The following NSRP1 variants were observed in gnomAD, a reference collection of about 807,000 sequenced individuals.
The protein encoded by NSRP1 is nuclear speckle splicing regulatory protein 1, also known as coiled-coil domain containing 55.
A neutral mutation model predicts 54.7 loss-of-function variants in NSRP1; 24 were observed. That is an observed-to-expected ratio of 0.44 (90% CI 0.32 to 0.62). NSRP1 has a LOEUF of 0.62. Ranked by LOEUF, NSRP1 falls within the 20% of genes least tolerant of loss-of-function variation. The probability of loss-of-function intolerance (pLI) is 0.06; values close to 1 mark genes in which losing one functional copy is unlikely to be tolerated. For missense variants in NSRP1, 596 were observed against 651.2 expected, an observed-to-expected ratio of 0.92 and a Z score of 0.92; for synonymous variants, 210 against 213.8, an observed-to-expected ratio of 0.98 and a Z score of 0.15.
intron 2 of NSRP1, among the ~76,000 whole-genome samples, chr17:30,119,657 C>CA (rs1380378402): frequency 6.6e-6 from 1 of 152,158 alleles, no homozygotes; most frequent in Non-Finnish European, 1.5e-5. Flanking sequence ...AACACACCAC[C>CA]ACGCCTGGCT....
At chr17:30,167,336 C>T (rs893691384) in intron 2 of NSRP1, among the ~76,000 whole-genome samples, 1 of 152,134 alleles carries the variant, frequency 6.6e-6, no homozygotes, top group Non-Finnish European at 1.5e-5. Context: ...TCTGGCCGGG[C>T]ACGGTGGCTC....
chr17:30,161,397 G>A (rs1332436467), intron 2 of NSRP1, among the ~76,000 whole-genome samples: 2 of 152,016 alleles, frequency 1.3e-5, no homozygotes, highest in Admixed American at 6.6e-5. Context: ...CACTGTATTA[G>A]CACTATTATA....
At chr17:30,144,260 A>ATTT (rs1221600247) in intron 2 of NSRP1, 19 of 143,092 alleles carry the variant, frequency 1.3e-4, no homozygotes, top group East Asian at 4.2e-4. Context: ...TATTATTATT[A>ATTT]TTATTATTAT....
At position 30,184,809 on chromosome 17, in the gene NSRP1, A is replaced by G; in HGVS notation, c.812A>G (p.Lys271Arg). ...EETRVNCRREKVIETPENDFK... is the reference protein window; with the variant it reads ...EETRVNCRRERVIETPENDFK... ...ACTAGAGTGAACTGCAGAAGGGAAA[A>G]GGTCATAGAGACCCCTGAGAATGAC... Residue 271 changes from lysine to arginine, a missense_variant, in exon 7 of 7, where the codon AAG becomes AGG. Transcript: ENST00000247026. 6.2e-7 allele frequency: 1 copy of G among 1,613,764 alleles called. No individual in the cohort carries two copies. The highest frequency in any genetic ancestry group is 8.5e-7 in the Non-Finnish European group (1 of 1,179,848).
In NSRP1 at chr17:30,184,982, G is replaced by A. The variant is rs1451171875; in HGVS notation, c.985G>A (p.Glu329Lys). ...QHQQKQSRDQ[E>K]NHYTDRDYRK... is the part of the protein sequence containing the mutation. ...CCAGCAGAAGCAATCCAGAGACCAA[G>A]AGAACCATTACACTGACCGTGATTA... Residue 329 changes from glutamate to lysine, a missense_variant, in exon 7 of 7, where the codon GAG (glutamate) becomes AAG (lysine). Glu to Lys is a moderately conservative substitution (Grantham distance 56). Coordinates refer to ENST00000247026, the MANE Select transcript of NSRP1 (RefSeq NM_032141.4). 1 of 1,614,106 alleles carries A rather than the reference G, an allele frequency of 6.2e-7. No individual in the cohort carries two copies. Among genetic ancestry groups the A allele is most frequent in the Non-Finnish European group, 8.5e-7 (1 of 1,180,024 alleles).
At position 30,169,195 on chromosome 17, in the gene NSRP1, A is replaced by G. The variant is rs117041649; in HGVS notation, c.115-3347A>G. On this transcript the variant is annotated intron_variant, in intron 2 of 6. Transcript: ENST00000247026. ...ATATTTTATAAAAGTCTGGAAAGGT[A>G]TAGCCTTGTGTTTTTCTTTCCCAAG... Among the ~76,000 whole-genome samples the G allele has an allele frequency of 6.4e-3, 972 of 152,182 alleles. 8 individuals carry two copies. The highest frequency in any genetic ancestry group is 0.029 in the South Asian group (139 of 4,824).
chr17:30,147,568 A>G lies in NSRP1; in HGVS notation c.115-24974A>G, dbSNP rs569664536. 1.8e-3 allele frequency among the ~76,000 whole-genome samples: 273 copies of G among 151,360 alleles called. 2 individuals carry two copies. The highest frequency in any genetic ancestry group is 6.4e-3 in the African/African-American group (260 of 40,860). ...AAGCCCCGCCTCCCAGGTTCACGCC[A>G]TTCTCCTGCCTCAGCCTCCTGAGTA... On this transcript the variant is annotated intron_variant, in intron 2 of 6. Coordinates refer to ENST00000247026, the MANE Select transcript of NSRP1 (RefSeq NM_032141.4).
intron 5 of NSRP1, 64 bp from the exon 6 acceptor site, chr17:30,180,840 ATGTC>A (rs142403090): frequency 0.032 from 31,734 of 981,272 alleles, 851 homozygotes; most frequent in African/African-American, 0.12. Context: ...TATATACTGT[ATGTC>A]TGTAAAATGA....
At position 30,142,494 on chromosome 17, in the gene NSRP1, T is replaced by TA. The variant is rs775333722; in HGVS notation, c.114+24336dup. 2.8e-3 allele frequency among the ~76,000 whole-genome samples: 384 copies of TA among 135,658 alleles called. 1 individual carries two copies. Among genetic ancestry groups the TA allele is most frequent in the Admixed American group, 5.6e-3 (75 of 13,430 alleles). 89.0% of individuals were successfully genotyped at this position (135,658 alleles called of 152,430 possible). ...GCATGTGCCACCACGCCTGGCTAAT[T>TA]AAAAAAAAAAAAAAAGTCGTAGAAA... On this transcript the variant is annotated intron_variant, in intron 2 of 6. Transcript: ENST00000247026.
chr17:30,173,084 C>A (rs1905013055), intron 3 of NSRP1, among the ~76,000 whole-genome samples: 1 of 151,922 alleles, frequency 6.6e-6, no homozygotes, highest in Admixed American at 6.6e-5. Context: ...CTGCTTCAGC[C>A]TCCCGAGTAG....
At chr17:30,151,525 G>A (rs1238254969) in intron 2 of NSRP1, among the ~76,000 whole-genome samples, 1 of 152,126 alleles carries the variant, frequency 6.6e-6, no homozygotes, top group Non-Finnish European at 1.5e-5. Flanking sequence ...TTATTAAGTA[G>A]AAGTGGATCA....
chr17:30,168,574 TATAATA>T (rs573643395), intron 2 of NSRP1, among the ~76,000 whole-genome samples: 8 of 147,628 alleles, frequency 5.4e-5, no homozygotes, highest in South Asian at 4.2e-4. Flanking sequence ...AAACTTAAAG[TATAATA>T]ATAATAATAA....
intron 3 of NSRP1, among the ~76,000 whole-genome samples, chr17:30,175,047 T>C (rs1319635417): frequency 6.6e-6 from 1 of 152,238 alleles, no homozygotes; most frequent in Non-Finnish European, 1.5e-5. Context: ...ACATTTTGTT[T>C]GTTTCTACTT....
chr17:30,173,089 G>A lies in NSRP1; in HGVS notation c.171+491G>A, dbSNP rs531759701. 3.2e-3 allele frequency among the ~76,000 whole-genome samples: 481 copies of A among 151,746 alleles called. 3 individuals are homozygous for A. Among genetic ancestry groups the A allele is most frequent in the African/African-American group, 0.011 (465 of 41,392 alleles). On this transcript the variant is annotated intron_variant, in intron 3 of 6. Transcript: ENST00000247026. Reference sequence around the variant, plus strand: ...GGCAATTCTCCTGCTTCAGCCTCCCGAGTAGCTGGGACTAAAGGCGCATGC... The same window carrying A: ...GGCAATTCTCCTGCTTCAGCCTCCCAAGTAGCTGGGACTAAAGGCGCATGC...
At chr17:30,155,115 A>C (rs1290287742) in intron 2 of NSRP1, among the ~76,000 whole-genome samples, 1 of 150,908 alleles carries the variant, frequency 6.6e-6, no homozygotes, top group Non-Finnish European at 1.5e-5. Flanking sequence ...TTTTCTTTTT[A>C]ATTTTTGTGA....
intron 2 of NSRP1, chr17:30,144,653 C>G (rs1453381901): frequency 6.6e-6 from 1 of 152,152 alleles, no homozygotes; most frequent in Admixed American, 6.6e-5. Flanking sequence ...ACACACATCC[C>G]TATGTCTATA....
intron 2 of NSRP1, among the ~76,000 whole-genome samples, chr17:30,167,288 T>TA (rs1192464134): frequency 1.3e-5 from 2 of 152,136 alleles, no homozygotes; most frequent in Non-Finnish European, 2.9e-5. Context: ...AGGATACCAC[T>TA]AAAAACGTAA....
chr17:30,158,902 C>T (rs1164815203), intron 2 of NSRP1, among the ~76,000 whole-genome samples: 2 of 152,044 alleles, frequency 1.3e-5, no homozygotes, highest in South Asian at 4.2e-4. Flanking sequence ...TAGTGTGATG[C>T]CTCTAGCTGT....
intron 2 of NSRP1, among the ~76,000 whole-genome samples, chr17:30,123,323 G>T (rs1337102190): frequency 6.6e-6 from 1 of 152,034 alleles, no homozygotes. Context: ...TCACTATGTT[G>T]GCCAGGCTGG....
Sources: allele counts gnomAD v4.1 joint callset (sites outside exome capture counted in the v4.1 genomes callset), GRCh38; gene constraint gnomAD v4.1.1; transcripts MANE v1.5; gene names NCBI Gene and HGNC (gene_info 2026-07-23, HGNC 2026-07-21).